ABL1: variants seen among roughly 807,000 people sequenced by gnomAD.
ABL1 encodes ABL proto-oncogene 1, non-receptor tyrosine kinase.
A neutral mutation model predicts 94.7 loss-of-function variants in ABL1; 11 were observed. That is an observed-to-expected ratio of 0.12 (90% CI 0.07 to 0.19). The LOEUF is 0.19. ABL1 is among the 10% of genes least tolerant of loss of function. The pLI is 1.00. For synonymous variants in ABL1, 656 were observed against 622.4 expected (o/e 1.05, Z -0.80); for missense variants, 1,082 against 1,489.4 (o/e 0.73, Z 4.50).
chr9:130,835,478 G>A lies in ABL1; in HGVS notation c.32G>A (p.Cys11Tyr), dbSNP rs1402615247. 1 of 1,563,496 alleles carries A rather than the reference G, an allele frequency of 6.4e-7. No homozygotes were observed. The highest frequency in any genetic ancestry group is 8.7e-7 in the Non-Finnish European group (1 of 1,153,520). Residue 11 changes from cysteine to tyrosine, a missense_variant, in exon 1 of 11, where the codon TGC (cysteine) becomes TAC (tyrosine). Physicochemically the swap from Cys to Tyr is radical, Grantham distance 194. This residue lies in a region of ABL1 where 65 missense variants were observed against 80.8 expected (regional missense o/e 0.80). Transcript: ENST00000318560. The surrounding 1 kb of genome is among the most constrained non-coding windows in gnomAD (Gnocchi z 4.6). MLEICLKLVG[C>Y]KSKKGLSSSS... The stretch of plus-strand genomic sequence containing the variant: ...GAGATCTGCCTGAAGCTGGTGGGCT[G>A]CAAATCCAAGAAGGGGCTGTCCTCG...
chr9:130,856,111 G>A (rs1214776558), intron 3 of ABL1, among the ~76,000 whole-genome samples: 1 of 151,936 alleles, frequency 6.6e-6, no homozygotes, highest in Non-Finnish European at 1.5e-5. Context: ...TTTTGAGATG[G>A]CATTTTCGCT....
chr9:130,815,795 G>T (rs1830277329), intron 1 of ABL1, among the ~76,000 whole-genome samples: 1 of 152,142 alleles, frequency 6.6e-6, no homozygotes, highest in African/African-American at 2.4e-5. Flanking sequence ...GCCAAGGTGG[G>T]CAGATCACCT....
At chr9:130,782,381 AT>A (rs1420651088) in intron 1 of ABL1, among the ~76,000 whole-genome samples, 1 of 152,126 alleles carries the variant, frequency 6.6e-6, no homozygotes, top group East Asian at 1.9e-4. Flanking sequence ...ATTTTATTTC[AT>A]TTTGAAAAAG....
intron 1 of ABL1, among the ~76,000 whole-genome samples, chr9:130,798,524 G>T (rs1442368563): frequency 6.6e-6 from 1 of 152,172 alleles, no homozygotes; most frequent in Non-Finnish European, 1.5e-5. Flanking sequence ...TGGCTTTTCT[G>T]TTTCTTGAAA....
chr9:130,743,610 A>G (rs934854518), intron 1 of ABL1, among the ~76,000 whole-genome samples: 26 of 152,182 alleles, frequency 1.7e-4, no homozygotes, highest in African/African-American at 4.3e-4. Flanking sequence ...AAGTATTTTT[A>G]TTACTTACTG....
Position 130,727,750 on chromosome 9 carries a change from C to T in ABL1, c.136+13295C>T, listed in dbSNP as rs773900244. On this transcript the variant is annotated intron_variant, in intron 1 of 10. Coordinates refer to the ABL1 transcript ENST00000372348. Reference sequence around the variant, plus strand: ...CAGCCTGGGTGACAGAGTGAGACACCGCCCCCCCCCCCCAAAAAAAAGCAT... The same window carrying T: ...CAGCCTGGGTGACAGAGTGAGACACTGCCCCCCCCCCCCAAAAAAAAGCAT... Among the ~76,000 whole-genome samples the T allele has an allele frequency of 2.7e-3, 293 of 106,768 alleles. 4 individuals are homozygous for T. Among genetic ancestry groups the T allele is most frequent in the Non-Finnish European group, 3.7e-3 (200 of 53,368 alleles). The allele number at this position is 106,768 out of a possible 152,430, so 70.0% of individuals were successfully genotyped here.
intron 4 of ABL1, among the ~76,000 whole-genome samples, chr9:130,868,125 A>AT (rs1357259657): frequency 4.6e-5 from 7 of 151,620 alleles, no homozygotes; most frequent in African/African-American, 7.3e-5. Context: ...ACGCCGGCTA[A>AT]TTTTTTGTAT....
At chr9:130,744,595 G>A (rs1282520229) in intron 1 of ABL1, among the ~76,000 whole-genome samples, 2 of 150,944 alleles carry the variant, frequency 1.3e-5, no homozygotes, top group Non-Finnish European at 3.0e-5. Context: ...GCTCACGCCT[G>A]TAATCCCAGC....
rs988113392 is a variant in ABL1 at position 130,884,897 on chromosome 9, C to T, written c.2607C>T (p.Pro869=). The change falls in exon 11 of 11, where the codon CCC becomes CCT. Residue 869 remains proline (P), a synonymous_variant. Coordinates refer to ENST00000318560, the MANE Select transcript of ABL1 (RefSeq NM_005157.6). This position sits in a 1 kb window ranked among gnomAD's most constrained non-coding sequence, Gnocchi z 5.6. ...SGAPGGTSKG[P]AEESRVRRHK... ...CACCAGGGGGCACCAGCAAGGGCCC[C>T]GCCGAGGAGTCCAGAGTGAGGAGGC... 5 of 1,609,636 alleles carry T rather than the reference C, an allele frequency of 3.1e-6. No individual in the cohort carries two copies. Among genetic ancestry groups the T allele is most frequent in the Non-Finnish European group, 4.2e-6 (5 of 1,178,768 alleles).
At chr9:130,765,313 G>C (rs1036885729) in intron 1 of ABL1, among the ~76,000 whole-genome samples, 1 of 152,096 alleles carries the variant, frequency 6.6e-6, no homozygotes, top group Non-Finnish European at 1.5e-5. Context: ...CCAGCAACCC[G>C]GGGGCCACCT....
intron 1 of ABL1, among the ~76,000 whole-genome samples, chr9:130,717,470 GA>G (rs930937503): frequency 1.4e-4 from 22 of 151,994 alleles, no homozygotes; most frequent in Admixed American, 1.2e-3. Context: ...TTGGGAGGCC[GA>G]GGCAGGTGGA....
intron 6 of ABL1, among the ~76,000 whole-genome samples, chr9:130,874,020 G>A (rs908618927): frequency 3.3e-5 from 5 of 152,194 alleles, no homozygotes; most frequent in East Asian, 1.9e-4. Flanking sequence ...TGGCACGGCC[G>A]GGTCCGTTCC....
intron 1 of ABL1, among the ~76,000 whole-genome samples, chr9:130,720,622 C>G (rs998093096): frequency 6.6e-6 from 1 of 152,044 alleles, no homozygotes; most frequent in African/African-American, 2.4e-5. Flanking sequence ...TGTGGGAAGG[C>G]CTTGGAGAAT....
chr9:130,779,411 GC>G (rs1829726465), intron 1 of ABL1, among the ~76,000 whole-genome samples: 1 of 152,148 alleles, frequency 6.6e-6, no homozygotes, highest in Non-Finnish European at 1.5e-5. Flanking sequence ...CCTCTGTGCT[GC>G]CCCCCACCAT....
chr9:130,887,203 G>A lies in ABL1; in HGVS notation c.*1520G>A, dbSNP rs1056209. 24,981 of 233,118 alleles carry A rather than the reference G, an allele frequency of 0.11. 2,155 individuals carry two copies. Among genetic ancestry groups the A allele is most frequent in the African/African-American group, 0.26 (11,846 of 45,412 alleles). 14.4% of individuals were successfully genotyped at this position (233,118 alleles called of 1,614,324 possible). The stretch of plus-strand genomic sequence containing the variant: ...CGCCTCGTGCCAGCAGCCTCGCACA[G>A]GCCCTAGCTTTACGCTCATCACCTA... On this transcript the variant is annotated 3_prime_UTR_variant, in exon 11 of 11. Coordinates refer to ENST00000318560, the MANE Select transcript of ABL1 (RefSeq NM_005157.6).
intron 1 of ABL1, among the ~76,000 whole-genome samples, chr9:130,785,086 A>G (rs1829808741): frequency 6.6e-6 from 1 of 152,186 alleles, no homozygotes; most frequent in Non-Finnish European, 1.5e-5. Flanking sequence ...GTTTCGTGAC[A>G]TGGGAACTGG....
At chr9:130,800,613 T>C (rs901203155) in intron 1 of ABL1, among the ~76,000 whole-genome samples, 1 of 152,222 alleles carries the variant, frequency 6.6e-6, no homozygotes, top group African/African-American at 2.4e-5. Flanking sequence ...TTCAAGAAAT[T>C]CCTATGAATG....
At chr9:130,791,615 C>T (rs1040161660) in intron 1 of ABL1, among the ~76,000 whole-genome samples, 3 of 152,086 alleles carry the variant, frequency 2.0e-5, no homozygotes, top group African/African-American at 7.2e-5. Flanking sequence ...CTTCCTTCTC[C>T]CATCCTGGAT....
chr9:130,810,974 A>G (rs1399280492), intron 1 of ABL1, among the ~76,000 whole-genome samples: 1 of 152,238 alleles, frequency 6.6e-6, no homozygotes, highest in African/African-American at 2.4e-5. Context: ...CATTGGAAAC[A>G]ATGTAAGCCA....
Sources: allele counts gnomAD v4.1 joint callset (sites outside exome capture counted in the v4.1 genomes callset), GRCh38; gene constraint gnomAD v4.1.1; regional missense constraint gnomAD v4.1.1; non-coding constraint Gnocchi (gnomAD v3.1); transcripts MANE v1.5; gene names NCBI Gene and HGNC (gene_info 2026-07-23, HGNC 2026-07-21).